GLRB: variants seen among roughly 807,000 people sequenced by gnomAD.
GLRB encodes glycine receptor beta.
GLRB carries 33 observed loss-of-function variants against 54.2 expected under a neutral mutation model. The observed-to-expected ratio is 0.61, with a 90% CI of 0.46 to 0.81. The LOEUF is 0.81. Among genes scored for constraint, GLRB ranks in the 40% least tolerant of loss-of-function variants. GLRB has a pLI of 0.00. For synonymous variants in GLRB, 209 were observed against 208.2 expected, an observed-to-expected ratio of 1.00 and a Z score of -0.03; for missense variants, 572 against 584.6, an observed-to-expected ratio of 0.98 and a Z score of 0.22.
intron 7 of GLRB, among the ~76,000 whole-genome samples, chr4:157,143,043 G>C: frequency 6.6e-6 from 1 of 152,108 alleles, no homozygotes; most frequent in East Asian, 1.9e-4. Context: ...CCTGTAATTG[G>C]TGATTAATTT....
intron 2 of GLRB, among the ~76,000 whole-genome samples, chr4:157,104,627 G>A (rs925956454): frequency 4.0e-5 from 6 of 151,846 alleles, no homozygotes; most frequent in African/African-American, 1.2e-4. Context: ...ATTTTGAGAA[G>A]GACTGGCTTT....
rs772979401 is a variant in GLRB at position 157,120,640 on chromosome 4, C to G, written c.207C>G (p.Pro69=). ...ACAGGTTATTGGTCAGTTATGATCC[C>G]AGGATAAGACCAAACTTCAAAGGTT... The part of the protein sequence containing the change: ...ILNRLLVSYD[P]RIRPNFKGIP... The change falls in exon 3 of 10, where the codon CCC becomes CCG. Residue 69 remains proline, a synonymous_variant. Transcript: ENST00000264428. 6 of 1,572,140 alleles carry G rather than the reference C, an allele frequency of 3.8e-6. No homozygotes were observed. In the Admixed American group the frequency reaches 1.0e-4, roughly 26 times the overall value.
chr4:157,085,869 G>A (rs775437396), intron 2 of GLRB, among the ~76,000 whole-genome samples: 3 of 152,124 alleles, frequency 2.0e-5, no homozygotes, highest in South Asian at 2.1e-4. Context: ...TTGAACTCCA[G>A]TACATACTTC....
At chr4:157,076,838 C>T (rs1172796307) in intron 1 of GLRB, among the ~76,000 whole-genome samples, 1 of 151,606 alleles carries the variant, frequency 6.6e-6, no homozygotes, top group Non-Finnish European at 1.5e-5. Context: ...TGTGAAGTTG[C>T]CAGAGGAGAA....
In GLRB at chr4:157,170,558, A is replaced by G. The variant is rs764733822; in HGVS notation, c.1324A>G (p.Ile442Val). ...LSNYDCYGKP[I>V]EVNNGLGKSQ... ...CAATTATGACTGCTATGGAAAACCC[A>G]TTGAAGTTAACAACGGACTTGGGAA... is the stretch of plus-strand genomic sequence containing the variant. The change falls in exon 10 of 10, where the codon ATT (isoleucine) becomes GTT (valine). Residue 442 changes from isoleucine to valine, a missense_variant. Physicochemically the swap from Ile to Val is conservative, Grantham distance 29. Transcript: ENST00000264428. The G allele has an allele frequency of 5.6e-6, 9 of 1,613,146 alleles. No individual in the cohort carries two copies. The highest frequency in any genetic ancestry group is 7.6e-6 in the Non-Finnish European group (9 of 1,179,378).
intron 2 of GLRB, among the ~76,000 whole-genome samples, chr4:157,096,542 C>A (rs139031668): frequency 6.6e-6 from 1 of 152,318 alleles, no homozygotes; most frequent in African/African-American, 2.4e-5. Context: ...AAGGGCTTAT[C>A]TTTCAATATC....
intron 9 of GLRB, among the ~76,000 whole-genome samples, chr4:157,160,100 G>C (rs1033680979): frequency 2.0e-5 from 3 of 152,124 alleles, no homozygotes; most frequent in Non-Finnish European, 4.4e-5. Context: ...ATTTCTTCTA[G>C]ATTTTCTAGT....
intron 8 of GLRB, among the ~76,000 whole-genome samples, chr4:157,146,691 A>T (rs1736825224): frequency 6.6e-6 from 1 of 151,886 alleles, no homozygotes; most frequent in African/African-American, 2.4e-5. Context: ...ATGGTGGTGG[A>T]CACCTGTAAC....
At chr4:157,089,954 T>G (rs756016506) in intron 2 of GLRB, among the ~76,000 whole-genome samples, 20 of 152,194 alleles carry the variant, frequency 1.3e-4, no homozygotes, top group Non-Finnish European at 2.9e-4. Flanking sequence ...CAATTACTCA[T>G]TCTGTTGATG....
At chr4:157,090,713 A>T (rs1238875079) in intron 2 of GLRB, among the ~76,000 whole-genome samples, 1 of 152,134 alleles carries the variant, frequency 6.6e-6, no homozygotes, top group Non-Finnish European at 1.5e-5. Context: ...TGATTTTATA[A>T]CATCATTTGG....
chr4:157,163,948 CT>C (rs1410271502), intron 9 of GLRB, among the ~76,000 whole-genome samples: 1 of 152,004 alleles, frequency 6.6e-6, no homozygotes, highest in African/African-American at 2.4e-5. Flanking sequence ...GTCCTCTATG[CT>C]TTTCGAGGCC....
chr4:157,077,372 G>T (rs1734076461), intron 1 of GLRB, among the ~76,000 whole-genome samples: 1 of 152,022 alleles, frequency 6.6e-6, no homozygotes, highest in Non-Finnish European at 1.5e-5. Flanking sequence ...AACTTAAGAG[G>T]CACCTTTTTG....
chr4:157,139,182 G>T (rs1360557828), intron 7 of GLRB, among the ~76,000 whole-genome samples: 1 of 152,034 alleles, frequency 6.6e-6, no homozygotes, highest in African/African-American at 2.4e-5. Flanking sequence ...AATTCTTGTG[G>T]TGAGAGGTTT....
chr4:157,088,385 T>C (rs997480871), intron 2 of GLRB, among the ~76,000 whole-genome samples: 1 of 152,172 alleles, frequency 6.6e-6, no homozygotes, highest in Non-Finnish European at 1.5e-5. Flanking sequence ...TATTTTCGAC[T>C]TAATGGTACA....
intron 4 of GLRB, among the ~76,000 whole-genome samples, chr4:157,130,898 C>G (rs1736190854): frequency 6.6e-6 from 1 of 151,592 alleles, no homozygotes. Flanking sequence ...AATAAGGGAA[C>G]CAACAGCATA....
chr4:157,138,410 C>T (rs1294691148), intron 6 of GLRB, among the ~76,000 whole-genome samples: 1 of 152,120 alleles, frequency 6.6e-6, no homozygotes, highest in Non-Finnish European at 1.5e-5. Flanking sequence ...TCAATGATTA[C>T]ATTTCTTTTA....
chr4:157,155,957 T>A (rs1019657645), intron 9 of GLRB, among the ~76,000 whole-genome samples: 3 of 151,820 alleles, frequency 2.0e-5, no homozygotes, highest in Non-Finnish European at 4.4e-5. Context: ...TGTCCCTGGG[T>A]ACTGTAGGAG....
intron 8 of GLRB, among the ~76,000 whole-genome samples, chr4:157,145,557 T>A (rs1307001348): frequency 1.3e-5 from 2 of 152,290 alleles, no homozygotes; most frequent in Non-Finnish European, 2.9e-5. Flanking sequence ...GTGTTATGTG[T>A]TAGGTACTAT....
In GLRB at chr4:157,136,832, G is replaced by T; in HGVS notation, c.556G>T (p.Asp186Tyr). 1.2e-6 allele frequency: 2 copies of T among 1,611,126 alleles called. No homozygotes were observed. The highest frequency in any genetic ancestry group is 2.2e-5 in the East Asian group (1 of 44,826). The change falls in exon 6 of 10, where the codon GAC becomes TAC. Residue 186 changes from aspartate (D) to tyrosine (Y), a missense_variant. Coordinates refer to ENST00000264428, the MANE Select transcript of GLRB (RefSeq NM_000824.5). ...ATCTATTACTCTTTCATGCCCTTTG[G>T]ACTTGACATTGTTTCCCATGGATAC... is the stretch of plus-strand genomic sequence containing the variant. ...RLSITLSCPL[D>Y]LTLFPMDTQR...
Sources: allele counts gnomAD v4.1 joint callset (sites outside exome capture counted in the v4.1 genomes callset), GRCh38; gene constraint gnomAD v4.1.1; transcripts MANE v1.5; gene names NCBI Gene and HGNC (gene_info 2026-07-23, HGNC 2026-07-21).